Variants in TMEM63B observed in about 807,000 individuals in gnomAD.
TMEM63B encodes mechanosensitive cation channel TMEM63B.
A neutral mutation model predicts 102.6 loss-of-function variants in TMEM63B; 23 were observed. The observed-to-expected ratio is 0.22, with a 90% confidence interval of 0.16 to 0.32. The LOEUF (loss-of-function observed/expected upper bound fraction) is 0.32. Ranked by LOEUF, TMEM63B falls within the 10% of genes least tolerant of loss-of-function variation. TMEM63B has a pLI of 1.00. For missense variants in TMEM63B, 628 were observed against 1,095.9 expected, an observed-to-expected ratio of 0.57 and a Z score of 6.03; for synonymous variants, 444 against 437.0, an observed-to-expected ratio of 1.02 and a Z score of -0.20.
In TMEM63B at chr6:44,152,588, C is replaced by G. The variant is rs777561138; in HGVS notation, c.1837-5C>G. On this transcript the variant is annotated splice_polypyrimidine_tract_variant and splice_region_variant and intron_variant, in intron 19 of 23. Transcript: ENST00000323267. The surrounding 1 kb of genome is among the most constrained non-coding windows in gnomAD (Gnocchi z 6.4). ...GAGCCATCCTCCTGCCCGTCTCCCCCCCAGCATCAGGCCTACGAGTTCCAG... is the reference window on the plus strand; with the variant it reads ...GAGCCATCCTCCTGCCCGTCTCCCCGCCAGCATCAGGCCTACGAGTTCCAG... 11 of 1,607,342 alleles carry G rather than the reference C, an allele frequency of 6.8e-6. 1 individual carries two copies. Among genetic ancestry groups the G allele is most frequent in the South Asian group, 3.3e-5 (3 of 91,062 alleles).
chr6:44,134,502 C>A lies in TMEM63B; in HGVS notation c.-24-59C>A, dbSNP rs1423346165. The A allele has an allele frequency of 4.0e-5, 62 of 1,549,820 alleles. No individual in the cohort carries two copies. In the East Asian group the frequency reaches 7.5e-4, roughly 19 times the overall value. On this transcript the variant is annotated intron_variant, in intron 1 of 23. Coordinates refer to ENST00000323267, the MANE Select transcript of TMEM63B (RefSeq NM_018426.3). ...TCACTGCCCCCTCCCCACGCCCACC[C>A]TACTGGGCCATGAAGGGGATGGGGG... is the stretch of plus-strand genomic sequence containing the variant.
chr6:44,148,130 A>G lies in TMEM63B; in HGVS notation c.988-122A>G. The G allele has an allele frequency of 6.8e-7, 1 of 1,479,342 alleles. No individual in the cohort carries two copies. The highest frequency in any genetic ancestry group is 9.1e-7 in the Non-Finnish European group (1 of 1,103,318). The allele number at this position is 1,479,342 out of a possible 1,614,324, so 91.6% of individuals were successfully genotyped here. Reference sequence around the variant, plus strand: ...AGAGCGAGACGCTGTTTCCAAAAAAAAAAAAATGCTTAGAGGAGCAGTGCC... The same window carrying G: ...AGAGCGAGACGCTGTTTCCAAAAAAGAAAAAATGCTTAGAGGAGCAGTGCC... On this transcript the variant is annotated intron_variant, in intron 12 of 23. Transcript: ENST00000323267. This position sits in a 1 kb window ranked among gnomAD's most constrained non-coding sequence, Gnocchi z 5.1.
chr6:44,150,217 C>T lies in TMEM63B; in HGVS notation c.1521-7C>T. The T allele has an allele frequency of 6.2e-7, 1 of 1,613,164 alleles. No homozygotes were observed. The highest frequency in any genetic ancestry group is 8.5e-7 in the Non-Finnish European group (1 of 1,179,486). ...ACCTGTACCGTTCCCTGCTCCCCTC[C>T]CTCCAGCTCTGGGGAGAACAGGACA... On this transcript the variant is annotated splice_polypyrimidine_tract_variant and splice_region_variant and intron_variant, in intron 16 of 23. Coordinates refer to ENST00000323267, the MANE Select transcript of TMEM63B (RefSeq NM_018426.3). This position sits in a 1 kb window ranked among gnomAD's most constrained non-coding sequence, Gnocchi z 4.7.
intron 1 of TMEM63B, among the ~76,000 whole-genome samples, chr6:44,130,465 G>T (rs1437747944): frequency 1.3e-5 from 2 of 149,022 alleles, no homozygotes; most frequent in East Asian, 1.9e-4. Context: ...TTTAGACACG[G>T]TCTCTGTCTG....
chr6:44,127,723 A>T (rs1582742157), intron 1 of TMEM63B, 45 bp downstream of exon 1: 1 of 149,672 alleles, frequency 6.7e-6, no homozygotes, highest in African/African-American at 2.5e-5. Context: ...TTCTTCGAAG[A>T]TCCCACCACC....
At chr6:44,153,622 C>T (rs1767301779) in intron 20 of TMEM63B, 54 bp from the exon 21 acceptor site, 3 of 1,578,238 alleles carry the variant, frequency 1.9e-6, no homozygotes, top group Middle Eastern at 1.8e-4. Flanking sequence ...GACAGACACA[C>T]AAAAGGTTCG....
At position 44,148,987 on chromosome 6, in the gene TMEM63B, A is replaced by G. The variant is rs1036441058; in HGVS notation, c.1413+42A>G. 8 of 1,613,472 alleles carry G rather than the reference A, an allele frequency of 5.0e-6. No individual in the cohort carries two copies. The Admixed American group carries it at 6.7e-5, about 13-fold the overall frequency. ...CTGTCACTTTCCACGCTGGGTCACA[A>G]CACACAGATACCAGGCCCTGATCCC... On this transcript the variant is annotated intron_variant, in intron 15 of 23. Transcript: ENST00000323267. The surrounding 1 kb of genome is among the most constrained non-coding windows in gnomAD (Gnocchi z 5.1).
At position 44,150,405 on chromosome 6, in the gene TMEM63B, A is replaced by C; in HGVS notation, c.1607+95A>C. 6.8e-7 allele frequency: 1 copy of C among 1,475,978 alleles called. No individual in the cohort carries two copies. Among genetic ancestry groups the C allele is most frequent in the Non-Finnish European group, 9.5e-7 (1 of 1,057,610 alleles). 91.4% of individuals were successfully genotyped at this position (1,475,978 alleles called of 1,614,324 possible). On this transcript the variant is annotated intron_variant, in intron 17 of 23. Transcript: ENST00000323267. The surrounding 1 kb of genome is among the most constrained non-coding windows in gnomAD (Gnocchi z 4.7). ...GCCTCCCTACCTCCCCTACAAAGCA[A>C]GGGGCCCAAGATGGGAAGCCTGGCC... is the stretch of plus-strand genomic sequence containing the variant.
At chr6:44,138,380 A>C (rs1185096360) in intron 5 of TMEM63B, 100 bp from the exon 6 acceptor site, 4 of 1,467,670 alleles carry the variant, frequency 2.7e-6, no homozygotes, top group Non-Finnish European at 3.8e-6. Flanking sequence ...TGTGGAAGCT[A>C]TGCCTGGAGG....
Position 44,152,524 on chromosome 6 carries a change from C to T in TMEM63B, c.1837-69C>T, listed in dbSNP as rs1582828316. ...CAGAGGTCCTGGCTCCCTTCCCCCT[C>T]CCTCCTTCCCTGCCCCTCTGGTCAG... On this transcript the variant is annotated intron_variant, in intron 19 of 23. Coordinates refer to ENST00000323267, the MANE Select transcript of TMEM63B (RefSeq NM_018426.3). The surrounding 1 kb of genome is among the most constrained non-coding windows in gnomAD (Gnocchi z 6.4). The T allele has an allele frequency of 1.7e-5, 19 of 1,138,460 alleles. No individual in the cohort carries two copies. In the East Asian group the frequency reaches 4.0e-4, roughly 24 times the overall value. 70.5% of individuals were successfully genotyped at this position (1,138,460 alleles called of 1,614,324 possible).
chr6:44,137,291 A>G (rs1763160256), intron 5 of TMEM63B, among the ~76,000 whole-genome samples: 1 of 152,172 alleles, frequency 6.6e-6, no homozygotes, highest in Non-Finnish European at 1.5e-5. Flanking sequence ...GCTCTCCATC[A>G]TTAATTCCAT....
Position 44,136,361 on chromosome 6 carries a change from T to A in TMEM63B, c.291T>A (p.Ala97=), listed in dbSNP as rs928890262. Residue 97 remains alanine (A), a synonymous_variant, in exon 5 of 24, where the codon GCT becomes GCA. Coordinates refer to ENST00000323267, the MANE Select transcript of TMEM63B (RefSeq NM_018426.3). ...DRVEQEYVAS[A]MHGDSHDRYE... ...CCCTCACCCCCAGTGTGGCTTCAGC[T>A]ATGCACGGGGACAGCCATGACCGGT... 4.3e-6 allele frequency: 7 copies of A among 1,614,096 alleles called. No homozygotes were observed. The highest frequency in any genetic ancestry group is 5.9e-6 in the Non-Finnish European group (7 of 1,179,980).
At chr6:44,142,566 C>T (rs943370662) in intron 10 of TMEM63B, among the ~76,000 whole-genome samples, 1 of 152,062 alleles carries the variant, frequency 6.6e-6, no homozygotes, top group Non-Finnish European at 1.5e-5. Context: ...TCAGGGGGTT[C>T]ATAGTATGGC....
At chr6:44,139,322 A>G (rs1386749103) in intron 6 of TMEM63B, 145 bp from the exon 7 acceptor site, 2 of 919,884 alleles carry the variant, frequency 2.2e-6, no homozygotes, top group Non-Finnish European at 3.3e-6. Context: ...GGGGACCAAG[A>G]AGTCCCATTT....
chr6:44,139,454 C>T lies in TMEM63B; in HGVS notation c.408-13C>T, dbSNP rs117623146. 380 of 1,613,970 alleles carry T rather than the reference C, an allele frequency of 2.4e-4. 2 individuals are homozygous for T. The East Asian group carries it at 7.5e-3, about 32-fold the overall frequency. On this transcript the variant is annotated splice_polypyrimidine_tract_variant and intron_variant, in intron 6 of 23. Coordinates refer to ENST00000323267, the MANE Select transcript of TMEM63B (RefSeq NM_018426.3). ...CCTAACCTAATTCCTTTGTCCAACC[C>T]GTATGGCTGCAGGGATGATGAGATC... is the stretch of plus-strand genomic sequence containing the variant.
chr6:44,135,122 G>C (rs376956266), intron 3 of TMEM63B, 26 bp downstream of exon 3: 2 of 1,612,028 alleles, frequency 1.2e-6, no homozygotes, highest in African/African-American at 1.3e-5. Flanking sequence ...CCTCCCTCTA[G>C]CTCTCCACAC....
At position 44,142,836 on chromosome 6, in the gene TMEM63B, C is replaced by T. The variant is rs558113806; in HGVS notation, c.782+1738C>T. Among the ~76,000 whole-genome samples, 6 of 152,258 alleles carry T rather than the reference C, an allele frequency of 3.9e-5. No homozygotes were observed. In the South Asian group the frequency reaches 1.2e-3, roughly 32 times the overall value. ...GACCAGCCTGGACAACATGTCGAAACTCCATCTCTACAAAAAATATAAAAA... is the reference window on the plus strand; with the variant it reads ...GACCAGCCTGGACAACATGTCGAAATTCCATCTCTACAAAAAATATAAAAA... On this transcript the variant is annotated intron_variant, in intron 10 of 23. Coordinates refer to ENST00000323267, the MANE Select transcript of TMEM63B (RefSeq NM_018426.3).
chr6:44,136,511 A>C, intron 5 of TMEM63B, 72 bp downstream of exon 5: 1 of 1,041,232 alleles, frequency 9.6e-7, no homozygotes, highest in Non-Finnish European at 1.4e-6. Context: ...GAAGTCCCTC[A>C]CTTTCAGTGA....
chr6:44,144,228 G>A (rs1454431846), intron 10 of TMEM63B, among the ~76,000 whole-genome samples: 3 of 152,334 alleles, frequency 2.0e-5, no homozygotes, highest in South Asian at 2.1e-4. Flanking sequence ...AAGAGACAGC[G>A]CTTGAGCTCA....
Sources: gnomAD v4.1 joint callset for allele counts (sites outside exome capture counted in the v4.1 genomes callset) on GRCh38, gnomAD v4.1.1 for gene constraint, Gnocchi (gnomAD v3.1) non-coding constraint, MANE v1.5 for transcripts, NCBI Gene and HGNC (gene_info 2026-07-23, HGNC 2026-07-21) for gene names.